NAP1L4: variants seen among roughly 807,000 people sequenced by gnomAD.
NAP1L4 encodes the protein nucleosome assembly protein 1-like 4.
A neutral mutation model predicts 58.2 loss-of-function variants in NAP1L4; 15 were observed. The observed-to-expected ratio is 0.26, with a 90% CI of 0.17 to 0.40. The LOEUF (loss-of-function observed/expected upper bound fraction) is 0.40, where lower values mean the gene tolerates loss of function less well. Ranked by LOEUF, NAP1L4 falls within the 10% of genes least tolerant of loss-of-function variation. The pLI is 1.00. For missense variants in NAP1L4, 384 were observed against 451.1 expected (o/e 0.85, Z 1.35); for synonymous variants, 171 against 155.6 (o/e 1.10, Z -0.74).
At position 2,981,418 on chromosome 11, in the gene NAP1L4, C is replaced by CCAAAAAA. The variant is rs1564990154; in HGVS notation, c.-17-2182_-17-2181insTTTTTTG. ...GGACAACAGAGCAAGTACCCTGTCT[C>CCAAAAAA]AAAAAAAAAAAAAAAAAAAAAAAAA... On this transcript the variant is annotated intron_variant, in intron 1 of 15. Coordinates refer to ENST00000380542, the MANE Select transcript of NAP1L4 (RefSeq NM_005969.4). Among the ~76,000 whole-genome samples the CCAAAAAA allele has an allele frequency of 1.2e-4, 5 of 41,284 alleles. 2 individuals are homozygous for CCAAAAAA. Among genetic ancestry groups the CCAAAAAA allele is most frequent in the African/African-American group, 2.5e-4 (4 of 15,706 alleles). The allele number at this position is 41,284 out of a possible 152,430, so 27.1% of individuals were successfully genotyped here. A position where few individuals can be genotyped will look rare whatever the true frequency, so the allele number is the denominator to read the frequency against.
intron 9 of NAP1L4, 159 bp from the exon 10 acceptor site, chr11:2,958,703 T>A (rs560252520): frequency 1.4e-6 from 1 of 704,264 alleles, no homozygotes. Flanking sequence ...CATCTGGAGG[T>A]TGGCAAAAAG....
intron 2 of NAP1L4, 146 bp from the exon 3 acceptor site, chr11:2,978,488 G>T: frequency 4.6e-6 from 3 of 652,400 alleles, no homozygotes; most frequent in Non-Finnish European, 5.3e-6. Context: ...CAATGTGCAT[G>T]TTATCTCAGA....
chr11:2,945,089 G>C lies in NAP1L4; in HGVS notation c.*590C>G, dbSNP rs1176336654. Reference sequence around the variant, plus strand: ...AAGAAGCAACATCCTAAGGAGAACAGGGCCCTACTCTACACAGCCCTTTCT... The same window carrying C: ...AAGAAGCAACATCCTAAGGAGAACACGGCCCTACTCTACACAGCCCTTTCT... On this transcript the variant is annotated 3_prime_UTR_variant, in exon 16 of 16. Transcript: ENST00000380542. 1.3e-5 allele frequency: 2 copies of C among 152,804 alleles called. No homozygotes were observed. The highest frequency in any genetic ancestry group is 4.8e-5 in the African/African-American group (2 of 41,446). The allele number at this position is 152,804 out of a possible 1,614,324, so 9.5% of individuals were successfully genotyped here.
chr11:2,964,835 C>T (rs2133949492), intron 7 of NAP1L4, 84 bp from the exon 8 acceptor site: 1 of 970,318 alleles, frequency 1.0e-6, no homozygotes, highest in East Asian at 2.6e-5. Flanking sequence ...GCAGAGGCTC[C>T]CAGATGTTGC....
chr11:2,965,776 C>A (rs190040880), intron 7 of NAP1L4, among the ~76,000 whole-genome samples: 1 of 152,282 alleles, frequency 6.6e-6, no homozygotes, highest in East Asian at 1.9e-4. Flanking sequence ...GTGATCCACC[C>A]ACCTCGGCCT....
rs1846400220 is a variant in NAP1L4 at position 2,954,317 on chromosome 11, C to G, written c.1035+210G>C. On this transcript the variant is annotated intron_variant, in intron 12 of 15. Coordinates refer to ENST00000380542, the MANE Select transcript of NAP1L4 (RefSeq NM_005969.4). This position sits in a 1 kb window ranked among gnomAD's most constrained non-coding sequence, Gnocchi z 4.8. ...GGCAATCACCTCTGAAACTGCTTCA[C>G]AGACACCTGCTTTTCCTGCTCTGTT... 2 of 719,936 alleles carry G rather than the reference C, an allele frequency of 2.8e-6. No individual in the cohort carries two copies. The highest frequency in any genetic ancestry group is 4.7e-6 in the Non-Finnish European group (2 of 427,648). 44.6% of individuals were successfully genotyped at this position (719,936 alleles called of 1,614,324 possible). A position where few individuals can be genotyped will look rare whatever the true frequency, so the allele number is the denominator to read the frequency against.
Position 2,971,399 on chromosome 11 carries a change from T to TGTATTAATAA in NAP1L4, c.402+48_402+49insTTATTAATAC. ...TAAAAATCATTAAAAAATGCTTATT[T>TGTATTAATAA]TTAACAGTATTAAAACAGAACATGA... On this transcript the variant is annotated intron_variant, in intron 6 of 15. Coordinates refer to ENST00000380542, the MANE Select transcript of NAP1L4 (RefSeq NM_005969.4). The surrounding 1 kb of genome is among the most constrained non-coding windows in gnomAD (Gnocchi z 4.2). The TGTATTAATAA allele has an allele frequency of 6.6e-7, 1 of 1,525,928 alleles. No homozygotes were observed. The highest frequency in any genetic ancestry group is 1.1e-5 in the South Asian group (1 of 87,290). The allele number at this position is 1,525,928 out of a possible 1,614,324, so 94.5% of individuals were successfully genotyped here.
rs371630536 is a variant in NAP1L4 at position 2,971,514 on chromosome 11, G to C, written c.336C>G (p.Gly112=). 6 of 1,613,432 alleles carry C rather than the reference G, an allele frequency of 3.7e-6. No individual in the cohort carries two copies. The East Asian group carries it at 1.3e-4, about 36-fold the overall frequency. ...LFDKRREFIT[G]DVEPTDAESE... is the part of the protein sequence containing the mutation. ...ATTCCGCATCTGTTGGTTCAACATC[G>C]CCGGTGATAAATTCTCTTCTCTACA... is the stretch of plus-strand genomic sequence containing the variant. Residue 112 remains glycine, a synonymous_variant, in exon 6 of 16, where the codon GGC becomes GGG. Coordinates refer to ENST00000380542, the MANE Select transcript of NAP1L4 (RefSeq NM_005969.4). This position sits in a 1 kb window ranked among gnomAD's most constrained non-coding sequence, Gnocchi z 4.2.
chr11:2,970,304 G>C (rs1014440696), intron 6 of NAP1L4, among the ~76,000 whole-genome samples: 3 of 152,092 alleles, frequency 2.0e-5, no homozygotes, highest in African/African-American at 7.2e-5. Context: ...TTAAGGAGAT[G>C]CAATGCAAAT....
At chr11:2,969,757 T>G (rs1486924903) in intron 7 of NAP1L4, 46 bp downstream of exon 7, 1 of 1,566,472 alleles carries the variant, frequency 6.4e-7, no homozygotes, top group South Asian at 1.2e-5. Flanking sequence ...TAAGTAATGT[T>G]AGAAGACTAG....
At chr11:2,986,623 T>TG (rs1463172376) in intron 1 of NAP1L4, among the ~76,000 whole-genome samples, 1 of 100,490 alleles carries the variant, frequency 1.0e-5, no homozygotes, top group Non-Finnish European at 1.8e-5. Context: ...GGGATGGTAG[T>TG]AAATTTTTTT....
chr11:2,945,688 C>G, intron 15 of NAP1L4, 42 bp from the exon 16 acceptor site: 1 of 1,492,936 alleles, frequency 6.7e-7, no homozygotes. Flanking sequence ...GCAAAGCCAG[C>G]TCCATTCACC....
chr11:2,987,756 C>CAAAAAAA (rs57754393), intron 1 of NAP1L4, among the ~76,000 whole-genome samples: 1 of 70,452 alleles, frequency 1.4e-5, no homozygotes, highest in Non-Finnish European at 2.6e-5. Flanking sequence ...GACTCCACCT[C>CAAAAAAA]AAAAAAAAAA....
At chr11:2,987,078 G>C (rs1352865948) in intron 1 of NAP1L4, among the ~76,000 whole-genome samples, 3 of 152,046 alleles carry the variant, frequency 2.0e-5, no homozygotes. Flanking sequence ...CATCAGAAAG[G>C]ACAAAGAAAT....
chr11:2,979,277 C>T, intron 1 of NAP1L4, 40 bp from the exon 2 acceptor site: 1 of 1,531,428 alleles, frequency 6.5e-7, no homozygotes, highest in African/African-American at 1.4e-5. Flanking sequence ...TATTCATAAG[C>T]AAAAATGTTT....
At position 2,959,737 on chromosome 11, in the gene NAP1L4, T is replaced by A. The variant is rs1253290204; in HGVS notation, c.746+33A>T. The A allele has an allele frequency of 6.2e-7, 1 of 1,606,442 alleles. No individual in the cohort carries two copies. The highest frequency in any genetic ancestry group is 1.3e-5 in the African/African-American group (1 of 74,556). On this transcript the variant is annotated intron_variant, in intron 9 of 15. Transcript: ENST00000380542. The surrounding 1 kb of genome is among the most constrained non-coding windows in gnomAD (Gnocchi z 4.9). The stretch of plus-strand genomic sequence containing the variant: ...TACAAAATTATCTTTTGATTTTGTT[T>A]CAGAAAAACAAGGTAGAATGACATT...
At chr11:2,979,164 AC>A (rs773909888) in intron 2 of NAP1L4, 42 bp downstream of exon 2, 64 of 1,593,708 alleles carry the variant, frequency 4.0e-5, no homozygotes, top group Non-Finnish European at 5.4e-5. Flanking sequence ...TTGCTCACCA[AC>A]TGAATTTTAA....
At position 2,944,480 on chromosome 11, in the gene NAP1L4, CA is replaced by C. The variant is rs746508530; in HGVS notation, c.*1198del. 6.6e-6 allele frequency: 1 copy of C among 152,282 alleles called. No homozygotes were observed. The highest frequency in any genetic ancestry group is 1.5e-5 in the Non-Finnish European group (1 of 68,074). The allele number at this position is 152,282 out of a possible 1,614,324, so 9.4% of individuals were successfully genotyped here. A position where few individuals can be genotyped will look rare whatever the true frequency, so the allele number is the denominator to read the frequency against. ...AATAGAATATTCTAACTATTCTGTA[CA>C]AATTGAAAACACTGTATTCAGTTAC... On this transcript the variant is annotated 3_prime_UTR_variant, in exon 16 of 16. Coordinates refer to ENST00000380542, the MANE Select transcript of NAP1L4 (RefSeq NM_005969.4).
intron 10 of NAP1L4, among the ~76,000 whole-genome samples, chr11:2,956,815 A>G (rs1310621232): frequency 2.0e-5 from 3 of 152,206 alleles, no homozygotes; most frequent in Non-Finnish European, 4.4e-5. Flanking sequence ...TGGACTCACT[A>G]GCTAATGCCT....
Sources: gnomAD v4.1 joint callset for allele counts (sites outside exome capture counted in the v4.1 genomes callset) on GRCh38, gnomAD v4.1.1 for gene constraint, Gnocchi (gnomAD v3.1) non-coding constraint, MANE v1.5 for transcripts, NCBI Gene and HGNC (gene_info 2026-07-23, HGNC 2026-07-21) for gene names.